The following XIRP2 variants were observed in gnomAD, a reference collection of about 807,000 sequenced individuals.
XIRP2 encodes the protein xin actin-binding repeat-containing protein 2.
A neutral mutation model predicts 277.0 loss-of-function variants in XIRP2; 236 were observed. That is an observed-to-expected ratio of 0.85 (90% CI 0.77 to 0.95). The LOEUF is 0.95. XIRP2 is among the 40% of genes least tolerant of loss of function. XIRP2 has a pLI of 0.00. For missense variants in XIRP2, 4,640 were observed against 4,157.5 expected, an observed-to-expected ratio of 1.12 and a Z score of -3.19; for synonymous variants, 1,490 against 1,416.5, an observed-to-expected ratio of 1.05 and a Z score of -1.17.
intron 1 of XIRP2, among the ~76,000 whole-genome samples, chr2:166,895,183 A>G (rs930528079): frequency 1.3e-5 from 2 of 152,206 alleles, no homozygotes; most frequent in Admixed American, 1.3e-4. Flanking sequence ...TACTTTAATT[A>G]GAAGCAAAAC....
At chr2:167,200,693 T>C (rs1042446451) in intron 3 of XIRP2, among the ~76,000 whole-genome samples, 7 of 152,142 alleles carry the variant, frequency 4.6e-5, no homozygotes, top group African/African-American at 1.4e-4. Context: ...GTGTTATTCT[T>C]TTTTTTTCCT....
intron 2 of XIRP2, among the ~76,000 whole-genome samples, chr2:166,958,808 C>A (rs1315956573): frequency 1.3e-5 from 2 of 151,702 alleles, no homozygotes; most frequent in East Asian, 3.9e-4. Flanking sequence ...AAAATCTTAT[C>A]CTAGTATCTT....
intron 2 of XIRP2, among the ~76,000 whole-genome samples, chr2:166,930,451 C>A (rs990546948): frequency 6.6e-6 from 1 of 152,084 alleles, no homozygotes; most frequent in African/African-American, 2.4e-5. Flanking sequence ...CAATTGAAGA[C>A]ATCTTGGGTT....
Position 167,227,405 on chromosome 2 carries a change from T to G in XIRP2, c.858+9105T>G, listed in dbSNP as rs562248627. On this transcript the variant is annotated intron_variant, in intron 5 of 10. Coordinates refer to ENST00000409195, the MANE Select transcript of XIRP2 (RefSeq NM_152381.6). The stretch of plus-strand genomic sequence containing the variant: ...TAGTTTCTGCATATATATGACATAT[T>G]AGAATATTAAAAATAAACTAGCCTA... Among the ~76,000 whole-genome samples, 101 of 152,168 alleles carry G rather than the reference T, an allele frequency of 6.6e-4. 1 individual carries two copies. Among genetic ancestry groups the G allele is most frequent in the African/African-American group, 2.3e-3 (94 of 41,514 alleles).
chr2:167,195,972 C>G (rs1693493341), intron 3 of XIRP2, among the ~76,000 whole-genome samples: 1 of 152,132 alleles, frequency 6.6e-6, no homozygotes, highest in Non-Finnish European at 1.5e-5. Context: ...CTGGCTAAAT[C>G]CATCAAACTG....
At chr2:167,216,060 G>T (rs6432986) in intron 4 of XIRP2, among the ~76,000 whole-genome samples, 56,365 of 140,728 alleles carry the variant, frequency 0.4, 14,682 homozygotes, top group African/African-American at 0.76. Flanking sequence ...AAATGGTGCT[G>T]GGAAAACTGG....
chr2:167,139,015 C>T (rs900910995), intron 3 of XIRP2, among the ~76,000 whole-genome samples: 3 of 151,664 alleles, frequency 2.0e-5, no homozygotes, highest in Admixed American at 2.0e-4. Flanking sequence ...TTCAGTGAGC[C>T]GAGATGGCGC....
intron 2 of XIRP2, among the ~76,000 whole-genome samples, chr2:167,049,221 C>A (rs2105531909): frequency 6.6e-6 from 1 of 150,772 alleles, no homozygotes; most frequent in Admixed American, 6.6e-5. Flanking sequence ...TACTTTTTCT[C>A]AGTGTCTGCT....
intron 3 of XIRP2, among the ~76,000 whole-genome samples, chr2:167,190,828 A>G (rs1693307379): frequency 6.6e-6 from 1 of 152,188 alleles, no homozygotes. Context: ...ATAATGGCAT[A>G]AAAATAACCT....
chr2:167,152,963 TC>T (rs574682894), intron 3 of XIRP2, among the ~76,000 whole-genome samples: 102 of 152,194 alleles, frequency 6.7e-4, no homozygotes, highest in African/African-American at 2.2e-3. Context: ...ATGCAAACTT[TC>T]CCCCTATTTC....
chr2:166,895,251 T>A (rs1029598796), intron 1 of XIRP2, among the ~76,000 whole-genome samples: 3 of 152,208 alleles, frequency 2.0e-5, no homozygotes, highest in South Asian at 2.1e-4. Flanking sequence ...CCACATTGGT[T>A]GTATTATGCC....
intron 3 of XIRP2, among the ~76,000 whole-genome samples, chr2:167,180,331 G>C (rs1314033657): frequency 6.6e-6 from 1 of 151,836 alleles, no homozygotes; most frequent in Non-Finnish European, 1.5e-5. Flanking sequence ...ATGTTTCTTT[G>C]ATCATACCTC....
chr2:167,083,853 G>A (rs1218987732), intron 2 of XIRP2, among the ~76,000 whole-genome samples: 3 of 151,990 alleles, frequency 2.0e-5, no homozygotes, highest in Admixed American at 6.6e-5. Flanking sequence ...GAGACAATGT[G>A]GTTTTCTAGA....
chr2:166,953,289 G>A (rs1686082485), intron 2 of XIRP2, among the ~76,000 whole-genome samples: 1 of 151,878 alleles, frequency 6.6e-6, no homozygotes, highest in South Asian at 2.1e-4. Flanking sequence ...CTCGTGTGGT[G>A]GGAGGGACCT....
At chr2:167,061,663 C>T (rs1295160926) in intron 2 of XIRP2, among the ~76,000 whole-genome samples, 4 of 151,852 alleles carry the variant, frequency 2.6e-5, no homozygotes, top group African/African-American at 9.7e-5. Flanking sequence ...TACAAAATTA[C>T]TGGTATCTTT....
intron 3 of XIRP2, among the ~76,000 whole-genome samples, chr2:167,155,882 A>G (rs1477942953): frequency 6.6e-6 from 1 of 150,758 alleles, no homozygotes. Flanking sequence ...TTAAGCTGAT[A>G]AGCAACTTCA....
chr2:167,118,639 A>G (rs1690966849), intron 2 of XIRP2, among the ~76,000 whole-genome samples: 1 of 152,124 alleles, frequency 6.6e-6, no homozygotes, highest in East Asian at 1.9e-4. Flanking sequence ...TCAGAACACC[A>G]TATTGGACAG....
intron 4 of XIRP2, among the ~76,000 whole-genome samples, chr2:167,212,951 C>T (rs1011112639): frequency 7.8e-6 from 1 of 128,092 alleles, no homozygotes; most frequent in African/African-American, 3.0e-5. Context: ...ATCATGAAAA[C>T]TGCCTGTGAC....
intron 4 of XIRP2, among the ~76,000 whole-genome samples, chr2:167,212,573 C>T (rs530614591): frequency 1.4e-3 from 220 of 152,272 alleles, no homozygotes; most frequent in African/African-American, 4.8e-3. Flanking sequence ...ATCTTCTCTT[C>T]CCTGCAAATT....
Sources: allele counts gnomAD v4.1 joint callset (sites outside exome capture counted in the v4.1 genomes callset), GRCh38; gene constraint gnomAD v4.1.1; transcripts MANE v1.5; gene names NCBI Gene and HGNC (gene_info 2026-07-23, HGNC 2026-07-21).